Variants in ZNF704 observed in about 807,000 individuals in gnomAD.
The protein encoded by ZNF704 is zinc finger protein 704, also known as glucocorticoid induced gene 1.
A neutral mutation model predicts 44.7 loss-of-function variants in ZNF704; 10 were observed. The ratio of observed to expected loss-of-function variants is 0.22; its 90% confidence interval spans 0.14 to 0.38. ZNF704 has a LOEUF of 0.38. ZNF704 is among the 10% of genes least tolerant of loss of function. The pLI, the probability that ZNF704 is intolerant of heterozygous loss-of-function variation, is 1.00. For missense variants in ZNF704, 390 were observed against 545.5 expected (o/e 0.71, Z 2.84); for synonymous variants, 211 against 207.6 (o/e 1.02, Z -0.14).
At chr8:80,713,380 T>A (rs1819023181) in intron 2 of ZNF704, among the ~76,000 whole-genome samples, 1 of 152,196 alleles carries the variant, frequency 6.6e-6, no homozygotes, top group African/African-American at 2.4e-5. Context: ...GTGCAGGTGG[T>A]AACTGCGGCT....
chr8:80,850,199 C>G (rs573339308), intron 1 of ZNF704, among the ~76,000 whole-genome samples: 1 of 152,148 alleles, frequency 6.6e-6, no homozygotes, highest in East Asian at 1.9e-4. Context: ...ATGTTACATG[C>G]TTGGTATGGA....
At position 80,761,180 on chromosome 8, in the gene ZNF704, T is replaced by C. The variant is rs770466304; in HGVS notation, c.221+60194A>G. On this transcript the variant is annotated intron_variant, in intron 2 of 8. Transcript: ENST00000327835. ...ATGAGGACACAGCAAGAAGGTGCTA[T>C]TATGGAAGCAGAGAGCAGCTTCACC... Among the ~76,000 whole-genome samples, 19 of 152,140 alleles carry C rather than the reference T, an allele frequency of 1.2e-4. 1 individual carries two copies. The highest frequency in any genetic ancestry group is 2.6e-4 in the Admixed American group (4 of 15,270).
intron 2 of ZNF704, among the ~76,000 whole-genome samples, chr8:80,784,714 G>C (rs2129722062): frequency 6.6e-6 from 1 of 152,270 alleles, no homozygotes; most frequent in East Asian, 1.9e-4. Flanking sequence ...GCTTGACACT[G>C]TCTTTTGCAG....
Position 80,782,588 on chromosome 8 carries a change from G to A in ZNF704, c.221+38786C>T, listed in dbSNP as rs568427786. ...GTCCTTCTGCTATTCTAGGCACTAGGTTTTAAAAGGAACGTTAATATACAA... is the reference window on the plus strand; with the variant it reads ...GTCCTTCTGCTATTCTAGGCACTAGATTTTAAAAGGAACGTTAATATACAA... On this transcript the variant is annotated intron_variant, in intron 2 of 8. Transcript: ENST00000327835. Among the ~76,000 whole-genome samples the A allele has an allele frequency of 3.6e-4, 55 of 152,256 alleles. 1 individual carries two copies. The highest frequency in any genetic ancestry group is 1.3e-3 in the African/African-American group (52 of 41,566).
intron 2 of ZNF704, among the ~76,000 whole-genome samples, chr8:80,714,530 G>A (rs1054483068): frequency 3.3e-5 from 5 of 151,976 alleles, no homozygotes; most frequent in Non-Finnish European, 7.4e-5. Context: ...GAAGCTCTTG[G>A]TACCTCTAGG....
chr8:80,797,732 A>G (rs1350425275), intron 2 of ZNF704, among the ~76,000 whole-genome samples: 1 of 152,140 alleles, frequency 6.6e-6, no homozygotes, highest in African/African-American at 2.4e-5. Context: ...GGCAGCTTCA[A>G]AGATATCTAA....
At chr8:80,743,191 CAAAAAAAAAAAA>C (rs59886049) in intron 2 of ZNF704, among the ~76,000 whole-genome samples, 2 of 35,832 alleles carry the variant, frequency 5.6e-5, no homozygotes, top group East Asian at 2.4e-3. Context: ...CTTGCAACTG[CAAAAAAAAAAAA>C]AAAAAAAAAA....
chr8:80,797,745 T>C (rs1422831968), intron 2 of ZNF704, among the ~76,000 whole-genome samples: 1 of 152,160 alleles, frequency 6.6e-6, no homozygotes, highest in African/African-American at 2.4e-5. Context: ...ATATCTAAAA[T>C]GTCTTCAGGG....
In ZNF704 at chr8:80,636,947, A is replaced by G. The variant is rs1379270075; in HGVS notation, c.*4419T>C. 1.3e-5 allele frequency: 2 copies of G among 152,226 alleles called. No individual in the cohort carries two copies. The highest frequency in any genetic ancestry group is 2.9e-5 in the Non-Finnish European group (2 of 68,032). 9.4% of individuals were successfully genotyped at this position (152,226 alleles called of 1,614,324 possible). On this transcript the variant is annotated 3_prime_UTR_variant, in exon 9 of 9. Coordinates refer to ENST00000327835, the MANE Select transcript of ZNF704 (RefSeq NM_001033723.3). ...ACGGAATTCTGCTGATAGCTAATAA[A>G]CAGTCATCCATTGGGTAATGATAAA...
At chr8:80,696,396 C>A (rs780165262) in intron 2 of ZNF704, among the ~76,000 whole-genome samples, 2 of 152,042 alleles carry the variant, frequency 1.3e-5, no homozygotes, top group African/African-American at 2.4e-5. Context: ...TGTTTGAGAC[C>A]AGAAGTGTTT....
chr8:80,847,290 T>A (rs1171352611), intron 1 of ZNF704, among the ~76,000 whole-genome samples: 1 of 152,132 alleles, frequency 6.6e-6, no homozygotes, highest in Non-Finnish European at 1.5e-5. Context: ...AGGATCTACA[T>A]CCTGAAAATT....
intron 2 of ZNF704, chr8:80,694,125 C>G (rs994798598): frequency 1.3e-5 from 2 of 152,160 alleles, no homozygotes; most frequent in African/African-American, 2.4e-5. Flanking sequence ...ATGGGAGAGG[C>G]TGGAGGAGAA....
chr8:80,694,100 G>A (rs1017634483), intron 2 of ZNF704: 3 of 152,282 alleles, frequency 2.0e-5, no homozygotes, highest in Non-Finnish European at 2.9e-5. Flanking sequence ...GCACTAACTA[G>A]AGCCATTTAC....
chr8:80,727,590 G>C (rs568579517), intron 2 of ZNF704, among the ~76,000 whole-genome samples: 4 of 152,198 alleles, frequency 2.6e-5, no homozygotes, highest in Admixed American at 1.3e-4. Context: ...AGGCAGGCAG[G>C]GGGTGGATGG....
intron 2 of ZNF704, among the ~76,000 whole-genome samples, chr8:80,698,729 A>C (rs1219200080): frequency 6.6e-6 from 1 of 152,216 alleles, no homozygotes; most frequent in Non-Finnish European, 1.5e-5. Flanking sequence ...ATGAAGAGGC[A>C]ATCAGCGCAG....
intron 4 of ZNF704, among the ~76,000 whole-genome samples, chr8:80,672,586 A>C (rs1375349673): frequency 6.6e-6 from 1 of 152,214 alleles, no homozygotes; most frequent in African/African-American, 2.4e-5. Flanking sequence ...AGCCATGAAA[A>C]AGAATGAAAT....
At chr8:80,671,677 C>G (rs890546538) in intron 4 of ZNF704, among the ~76,000 whole-genome samples, 1 of 152,208 alleles carries the variant, frequency 6.6e-6, no homozygotes, top group Non-Finnish European at 1.5e-5. Context: ...GTGACAGTCA[C>G]TTCCATGTGT....
At chr8:80,841,308 G>C (rs1197215614) in intron 1 of ZNF704, among the ~76,000 whole-genome samples, 1 of 152,140 alleles carries the variant, frequency 6.6e-6, no homozygotes, top group Non-Finnish European at 1.5e-5. Context: ...GGAAATTTAG[G>C]CCACAGCAGC....
intron 2 of ZNF704, among the ~76,000 whole-genome samples, chr8:80,814,849 C>T (rs182467371): frequency 6.6e-6 from 1 of 152,100 alleles, no homozygotes; most frequent in East Asian, 1.9e-4. Context: ...AACTGCTAGG[C>T]TTCTAGAGAT....
Sources: allele counts gnomAD v4.1 joint callset (sites outside exome capture counted in the v4.1 genomes callset), GRCh38; gene constraint gnomAD v4.1.1; transcripts MANE v1.5; gene names NCBI Gene and HGNC (gene_info 2026-07-23, HGNC 2026-07-21).